Variants in MYO16 observed in about 807,000 individuals in gnomAD.
The protein encoded by MYO16 is unconventional myosin-XVI.
In MYO16, 94 loss-of-function variants were observed where a neutral mutation model predicts 205.3. That is an observed-to-expected ratio of 0.46 (90% CI 0.39 to 0.54). The LOEUF is 0.54. Among genes scored for constraint, MYO16 ranks in the 20% least tolerant of loss-of-function variants. The probability of loss-of-function intolerance (pLI) is 0.00; values close to 1 mark genes in which losing one functional copy is unlikely to be tolerated. For synonymous variants in MYO16, 988 were observed against 954.0 expected (o/e 1.04, Z -0.66); for missense variants, 2,315 against 2,387.5 (o/e 0.97, Z 0.63).
chr13:108,906,094 G>A (rs1270259588), intron 15 of MYO16, among the ~76,000 whole-genome samples: 3 of 152,038 alleles, frequency 2.0e-5, no homozygotes, highest in South Asian at 2.1e-4. Context: ...AACTCTTAGC[G>A]TTCCCATGAA....
In MYO16 at chr13:109,140,735, T is replaced by C. The variant is rs1594119272; in HGVS notation, c.4523T>C (p.Leu1508Pro). The change falls in exon 32 of 35, where the codon CTG becomes CCG. Residue 1508 changes from leucine (L) to proline (P), a missense_variant. Physicochemically the swap from Leu to Pro is moderately conservative, Grantham distance 98. Coordinates refer to ENST00000457511, the MANE Select transcript of MYO16 (RefSeq NM_001198950.3). The surrounding 1 kb of genome is among the most constrained non-coding windows in gnomAD (Gnocchi z 8.0). ...CDIPPPFPNL[L>P]PHRPPLLVFP... Reference sequence around the variant, plus strand: ...ATCCCGCCGCCCTTCCCCAACCTGCTGCCGCACCGGCCGCCCCTGCTGGTG... The same window carrying C: ...ATCCCGCCGCCCTTCCCCAACCTGCCGCCGCACCGGCCGCCCCTGCTGGTG... The C allele has an allele frequency of 1.3e-6, 2 of 1,519,154 alleles. No individual in the cohort carries two copies. Among genetic ancestry groups the C allele is most frequent in the East Asian group, 5.6e-5 (2 of 35,970 alleles). 94.1% of individuals were successfully genotyped at this position (1,519,154 alleles called of 1,614,324 possible).
intron 34 of MYO16, among the ~76,000 whole-genome samples, chr13:109,182,363 C>T (rs1444685378): frequency 6.6e-6 from 1 of 152,094 alleles, no homozygotes. Context: ...ATGGAAGGGA[C>T]AACAATTGAC....
chr13:108,552,234 T>C, the MYO16 span, among the ~76,000 whole-genome samples: 1 of 152,170 alleles, frequency 6.6e-6, no homozygotes, highest in African/African-American at 2.4e-5. Context: ...GTACTTTTCT[T>C]GGATTGTGTA....
intron 1 of MYO16, among the ~76,000 whole-genome samples, chr13:108,611,387 G>A (rs919813363): frequency 3.9e-5 from 6 of 151,972 alleles, no homozygotes; most frequent in African/African-American, 1.4e-4. Context: ...AATTAATTTG[G>A]AACTACTAGA....
intron 1 of MYO16, among the ~76,000 whole-genome samples, chr13:108,662,140 CT>C (rs1410381296): frequency 6.6e-6 from 1 of 152,190 alleles, no homozygotes; most frequent in Non-Finnish European, 1.5e-5. Context: ...CATAAATTGT[CT>C]ATGTGTCTCT....
chr13:108,787,096 A>C (rs1886481180), intron 5 of MYO16, among the ~76,000 whole-genome samples: 1 of 152,242 alleles, frequency 6.6e-6, no homozygotes, highest in Non-Finnish European at 1.5e-5. Flanking sequence ...ACTGTATTGC[A>C]TACTTTGAAA....
chr13:108,542,301 T>A, the MYO16 span, among the ~76,000 whole-genome samples: 2 of 151,782 alleles, frequency 1.3e-5, no homozygotes, highest in Non-Finnish European at 2.9e-5. Context: ...CAGAAAAAAC[T>A]GGGGCTTACT....
At chr13:109,013,235 C>A (rs182032565) in intron 22 of MYO16, among the ~76,000 whole-genome samples, 1 of 150,754 alleles carries the variant, frequency 6.6e-6, no homozygotes, top group Non-Finnish European at 1.5e-5. Context: ...TCTGTCCTTG[C>A]GATAGTTTGC....
At chr13:108,947,531 G>C (rs7320830) in intron 16 of MYO16, among the ~76,000 whole-genome samples, 2 of 151,952 alleles carry the variant, frequency 1.3e-5, no homozygotes. Context: ...CCATTTCACA[G>C]CTTCACTCAC....
At chr13:109,071,330 A>G (rs1887919889) in intron 27 of MYO16, among the ~76,000 whole-genome samples, 1 of 152,184 alleles carries the variant, frequency 6.6e-6, no homozygotes, top group South Asian at 2.1e-4. Flanking sequence ...GAAACTTTTT[A>G]TATATTCAAA....
chr13:108,752,979 A>T (rs1885290009), intron 4 of MYO16, among the ~76,000 whole-genome samples: 1 of 151,904 alleles, frequency 6.6e-6, no homozygotes, highest in African/African-American at 2.4e-5. Flanking sequence ...TATATCAGAA[A>T]TGTATTAAAT....
intron 22 of MYO16, among the ~76,000 whole-genome samples, chr13:109,014,922 A>T (rs1885748553): frequency 6.6e-6 from 1 of 152,176 alleles, no homozygotes; most frequent in Non-Finnish European, 1.5e-5. Context: ...GGACACTTTG[A>T]CTTCCTCTTT....
intron 27 of MYO16, among the ~76,000 whole-genome samples, chr13:109,090,224 G>A (rs1372827929): frequency 6.6e-6 from 1 of 152,202 alleles, no homozygotes; most frequent in Non-Finnish European, 1.5e-5. Context: ...GCAGACCATG[G>A]TGAGAACTGA....
the MYO16 span, among the ~76,000 whole-genome samples, chr13:108,526,521 C>G: frequency 7.9e-5 from 12 of 151,974 alleles, no homozygotes; most frequent in African/African-American, 2.4e-4. Flanking sequence ...GGTTTAAGCG[C>G]GTTGAAATAG....
At chr13:108,703,221 C>A (rs183644019) in intron 2 of MYO16, among the ~76,000 whole-genome samples, 14 of 152,048 alleles carry the variant, frequency 9.2e-5, no homozygotes, top group Admixed American at 5.2e-4. Flanking sequence ...GAAAGTCAAA[C>A]GTGGGAAATC....
chr13:109,023,711 A>ACATATATATGTATATATGTATATATTG (rs1566468426), intron 23 of MYO16, among the ~76,000 whole-genome samples: 4 of 131,852 alleles, frequency 3.0e-5, no homozygotes, highest in Non-Finnish European at 6.2e-5. Context: ...ATGTATATAT[A>ACATATATATGTATATATGTATATATTG]CAAATATATG....
chr13:108,621,791 T>G (rs1212712195), intron 1 of MYO16, among the ~76,000 whole-genome samples: 1 of 152,108 alleles, frequency 6.6e-6, no homozygotes, highest in Non-Finnish European at 1.5e-5. Flanking sequence ...GAAGAGTGAG[T>G]ACAGTACAGT....
intron 6 of MYO16, among the ~76,000 whole-genome samples, chr13:108,796,796 T>G (rs1886804629): frequency 7.3e-6 from 1 of 136,756 alleles, no homozygotes. Context: ...AGGGATAGCA[T>G]TAGGAGATAT....
At chr13:108,881,665 C>T (rs1371587941) in intron 12 of MYO16, among the ~76,000 whole-genome samples, 2 of 151,994 alleles carry the variant, frequency 1.3e-5, no homozygotes, top group Non-Finnish European at 2.9e-5. Flanking sequence ...GCTTCAGTAG[C>T]CGATTTGATC....
Sources: gnomAD v4.1 joint callset for allele counts (sites outside exome capture counted in the v4.1 genomes callset) on GRCh38, gnomAD v4.1.1 for gene constraint, Gnocchi (gnomAD v3.1) non-coding constraint, MANE v1.5 for transcripts, NCBI Gene and HGNC (gene_info 2026-07-23, HGNC 2026-07-21) for gene names.